MRTFB: variants seen among roughly 807,000 people sequenced by gnomAD.
The protein encoded by MRTFB is myocardin related transcription factor B.
Under a neutral mutation model 104.2 loss-of-function variants are expected in MRTFB, and 29 were observed. That is an observed-to-expected ratio of 0.28 (90% CI 0.21 to 0.38). The LOEUF (loss-of-function observed/expected upper bound fraction) is 0.38. MRTFB is among the 10% of genes least tolerant of loss of function. The pLI is 1.00. For missense variants in MRTFB, 1,270 were observed against 1,341.6 expected, an observed-to-expected ratio of 0.95 and a Z score of 0.83; for synonymous variants, 535 against 519.5, an observed-to-expected ratio of 1.03 and a Z score of -0.41.
At chr16:14,096,051 A>AATTTATTTATTTATTT (rs3974321) in intron 2 of MRTFB, among the ~76,000 whole-genome samples, 11 of 144,340 alleles carry the variant, frequency 7.6e-5, no homozygotes, top group East Asian at 6.2e-4. Flanking sequence ...GGCAAGCTGA[A>AATTTATTTATTTATTT]ATTTATTTAT....
At chr16:14,064,927 C>T in the MRTFB span, among the ~76,000 whole-genome samples, 1 of 152,068 alleles carries the variant, frequency 6.6e-6, no homozygotes, top group Admixed American at 6.6e-5. Flanking sequence ...CTTAGGATTG[C>T]TTTGGCTATT....
intron 2 of MRTFB, among the ~76,000 whole-genome samples, chr16:14,139,534 G>C (rs1164142451): frequency 6.6e-6 from 1 of 152,178 alleles, no homozygotes; most frequent in African/African-American, 2.4e-5. Flanking sequence ...GCTGCCATGT[G>C]ATCCAGCCAT....
chr16:14,039,122 A>G, the MRTFB span, among the ~76,000 whole-genome samples: 6 of 152,214 alleles, frequency 3.9e-5, no homozygotes. Flanking sequence ...AACCATATCA[A>G]TGGTCTCTTA....
At chr16:14,074,218 A>G (rs2033903296) in intron 1 of MRTFB, among the ~76,000 whole-genome samples, 1 of 152,190 alleles carries the variant, frequency 6.6e-6, no homozygotes, top group Non-Finnish European at 1.5e-5. Context: ...AGTTAGAGAC[A>G]TTGAACACTT....
chr16:14,169,768 T>G (rs531555439), intron 3 of MRTFB, among the ~76,000 whole-genome samples: 2 of 152,196 alleles, frequency 1.3e-5, no homozygotes, highest in African/African-American at 4.8e-5. Flanking sequence ...TGCATGCCTG[T>G]AATTGTAGCT....
At chr16:14,102,685 G>A (rs1053792510) in intron 2 of MRTFB, among the ~76,000 whole-genome samples, 3 of 152,176 alleles carry the variant, frequency 2.0e-5, no homozygotes, top group African/African-American at 7.2e-5. Flanking sequence ...TAGCTCTTCA[G>A]TGTTAAAGAT....
intron 2 of MRTFB, among the ~76,000 whole-genome samples, chr16:14,088,712 C>CA (rs1181265909): frequency 1.3e-5 from 2 of 152,118 alleles, no homozygotes; most frequent in Non-Finnish European, 2.9e-5. Context: ...TCATGACTGC[C>CA]AAGTACAAAC....
chr16:14,169,459 G>A (rs1322043223), intron 3 of MRTFB, among the ~76,000 whole-genome samples: 2 of 151,556 alleles, frequency 1.3e-5, no homozygotes, highest in African/African-American at 2.4e-5. Context: ...TTTTAACCTC[G>A]TTTTTGTCTT....
intron 15 of MRTFB, among the ~76,000 whole-genome samples, chr16:14,256,662 T>C (rs2043508153): frequency 6.6e-6 from 1 of 152,196 alleles, no homozygotes; most frequent in East Asian, 1.9e-4. Context: ...ACACCTAGAG[T>C]TGGCGGTAAC....
intron 2 of MRTFB, among the ~76,000 whole-genome samples, chr16:14,091,206 G>A (rs1050641156): frequency 1.3e-5 from 2 of 152,136 alleles, no homozygotes; most frequent in African/African-American, 2.4e-5. Flanking sequence ...TAGGGCACTG[G>A]TGGTAGAGTT....
chr16:14,068,146 A>T (rs1326557444), upstream of MRTFB, among the ~76,000 whole-genome samples: 3 of 152,078 alleles, frequency 2.0e-5, no homozygotes, highest in Non-Finnish European at 4.4e-5. Flanking sequence ...AACTAATTTT[A>T]TTTCTGTATA....
chr16:14,071,693 G>C (rs950547109), intron 1 of MRTFB, among the ~76,000 whole-genome samples: 1 of 152,062 alleles, frequency 6.6e-6, no homozygotes, highest in African/African-American at 2.4e-5. Context: ...GCTGTGTGCC[G>C]GGCACTTAAG....
the MRTFB span, among the ~76,000 whole-genome samples, chr16:14,012,548 T>C: frequency 6.6e-6 from 1 of 152,106 alleles, no homozygotes; most frequent in Admixed American, 6.6e-5. Context: ...TCTGCCCACC[T>C]TGGCCTCCCA....
Position 14,240,433 on chromosome 16 carries a change from G to A in MRTFB, c.1028G>A (p.Ser343Asn). The change falls in exon 10 of 17, where the codon AGT (serine) becomes AAT (asparagine). Residue 343 changes from serine (S) to asparagine (N), a missense_variant. Physicochemically the swap from Ser to Asn is conservative, Grantham distance 46. Coordinates refer to ENST00000571589, the MANE Select transcript of MRTFB (RefSeq NM_001308142.2). ...CTGTTCCTGCAACTGCAGATCCTGA[G>A]TCAGCAGAAGCAGCACTACAACTAC... is the stretch of plus-strand genomic sequence containing the variant. ...QQLFLQLQIL[S>N]QQKQHYNYQT... The A allele has an allele frequency of 6.2e-7, 1 of 1,614,230 alleles. No individual in the cohort carries two copies. Among genetic ancestry groups the A allele is most frequent in the South Asian group, 1.1e-5 (1 of 91,084 alleles).
chr16:14,168,598 T>C (rs568558463), intron 3 of MRTFB, among the ~76,000 whole-genome samples: 2 of 152,336 alleles, frequency 1.3e-5, no homozygotes, highest in East Asian at 1.9e-4. Flanking sequence ...AGTATTCCAG[T>C]GTATGAGTAG....
chr16:14,189,680 T>C (rs1320661067), intron 3 of MRTFB, among the ~76,000 whole-genome samples: 1 of 152,216 alleles, frequency 6.6e-6, no homozygotes, highest in East Asian at 1.9e-4. Context: ...TTAGAATTTT[T>C]TCAAATGTCT....
the MRTFB span, among the ~76,000 whole-genome samples, chr16:14,030,734 C>A: frequency 6.6e-6 from 1 of 152,222 alleles, no homozygotes; most frequent in African/African-American, 2.4e-5. Flanking sequence ...CCGATCCAAT[C>A]AGGCAGCCTG....
At chr16:13,998,871 CAAAAAAAAAA>C in the MRTFB span, among the ~76,000 whole-genome samples, 54 of 29,678 alleles carry the variant, frequency 1.8e-3, 1 homozygote, top group African/African-American at 3.7e-3. Context: ...GACTCTGTTT[CAAAAAAAAAA>C]AAAAAAAAAA....
rs372404399 is a variant in MRTFB at position 14,232,763 on chromosome 16, ATTTG to A, written c.694-1378_694-1375del. Among the ~76,000 whole-genome samples the A allele has an allele frequency of 5.4e-4, 83 of 152,320 alleles. 2 individuals carry two copies. The South Asian group carries it at 0.015, about 28-fold the overall frequency. ...ATGCCCATTCATCAATTAAACAAAT[ATTTG>A]TTTGAGTTAACTAGTATGTGCCAAG... On this transcript the variant is annotated intron_variant, in intron 8 of 16. Coordinates refer to ENST00000571589, the MANE Select transcript of MRTFB (RefSeq NM_001308142.2).
Sources: allele counts gnomAD v4.1 joint callset (sites outside exome capture counted in the v4.1 genomes callset), GRCh38; gene constraint gnomAD v4.1.1; transcripts MANE v1.5; gene names NCBI Gene and HGNC (gene_info 2026-07-23, HGNC 2026-07-21).